The following SLIT3 variants were observed in gnomAD, a reference collection of about 807,000 sequenced individuals.
SLIT3 encodes slit homolog 3 protein.
A neutral mutation model predicts 184.0 loss-of-function variants in SLIT3; 68 were observed. That is an observed-to-expected ratio of 0.37 (90% CI 0.30 to 0.45). The LOEUF (loss-of-function observed/expected upper bound fraction) is 0.45, where lower values mean the gene tolerates loss of function less well. SLIT3 is among the 20% of genes least tolerant of loss of function. The pLI is 1.00. For missense variants in SLIT3, 1,707 were observed against 2,026.0 expected (o/e 0.84, Z 3.02); for synonymous variants, 831 against 828.6 (o/e 1.00, Z -0.05).
At chr5:168,696,796 G>A (rs373757349) in intron 27 of SLIT3, among the ~76,000 whole-genome samples, 82 of 152,232 alleles carry the variant, frequency 5.4e-4, no homozygotes, top group Middle Eastern at 3.4e-3. Context: ...CCCTCCCTTT[G>A]GCTCTTCTGA....
chr5:169,274,213 G>A (rs578137058), intron 1 of SLIT3, among the ~76,000 whole-genome samples: 1 of 152,278 alleles, frequency 6.6e-6, no homozygotes, highest in East Asian at 1.9e-4. Context: ...GCCTGCTCAA[G>A]TTGGGAACCA....
chr5:168,769,553 A>C (rs546890442), intron 14 of SLIT3, among the ~76,000 whole-genome samples: 3 of 152,126 alleles, frequency 2.0e-5, no homozygotes, highest in Admixed American at 2.0e-4. Context: ...AAGGTCTCTC[A>C]TCACACGCAC....
chr5:169,142,260 G>A (rs1022713726), intron 4 of SLIT3, among the ~76,000 whole-genome samples: 4 of 151,938 alleles, frequency 2.6e-5, no homozygotes, highest in Non-Finnish European at 4.4e-5. Context: ...AACAGAATCC[G>A]TTAAGGATTA....
At chr5:168,772,573 T>TGG in intron 14 of SLIT3, 1 of 543,234 alleles carries the variant, frequency 1.8e-6, no homozygotes, top group Non-Finnish European at 3.2e-6. Context: ...GCTTTTATTG[T>TGG]GTGTGTGTGT....
chr5:168,827,508 ACACT>A (rs1757744262), intron 6 of SLIT3, among the ~76,000 whole-genome samples: 1 of 152,142 alleles, frequency 6.6e-6, no homozygotes, highest in South Asian at 2.1e-4. Context: ...ACATCTCCTG[ACACT>A]CACTGTGATC....
intron 6 of SLIT3, among the ~76,000 whole-genome samples, chr5:168,831,913 G>GA (rs1157254905): frequency 3.3e-5 from 5 of 152,086 alleles, no homozygotes; most frequent in Non-Finnish European, 4.4e-5. Context: ...CAATACCTCC[G>GA]AAAAATGTTA....
chr5:169,214,234 C>T (rs1218768350), intron 3 of SLIT3, among the ~76,000 whole-genome samples: 1 of 152,240 alleles, frequency 6.6e-6, no homozygotes, highest in African/African-American at 2.4e-5. Context: ...AAGTTGACAA[C>T]ACCCGCTTCA....
intron 5 of SLIT3, 196 bp from the exon 6 acceptor site, chr5:168,844,851 G>C (rs762457663): frequency 1.6e-5 from 9 of 553,584 alleles, no homozygotes; most frequent in Admixed American, 3.1e-5. Context: ...CTACACAGAC[G>C]AGCGCACCAA....
At chr5:168,926,693 G>A (rs1048580505) in intron 4 of SLIT3, among the ~76,000 whole-genome samples, 4 of 80,724 alleles carry the variant, frequency 5.0e-5, no homozygotes, top group Non-Finnish European at 7.4e-5. Context: ...ATGGGTAAAG[G>A]ACTTGGATAG....
intron 4 of SLIT3, among the ~76,000 whole-genome samples, chr5:168,894,839 G>C (rs1161048657): frequency 6.6e-6 from 1 of 152,212 alleles, no homozygotes; most frequent in African/African-American, 2.4e-5. Flanking sequence ...CACTCATAGA[G>C]ATTAGGATAA....
At chr5:169,043,439 T>C (rs1757517276) in intron 4 of SLIT3, among the ~76,000 whole-genome samples, 1 of 152,218 alleles carries the variant, frequency 6.6e-6, no homozygotes, top group Admixed American at 6.5e-5. Flanking sequence ...CCTTCAATGA[T>C]AAGAATAATT....
intron 1 of SLIT3, among the ~76,000 whole-genome samples, chr5:169,257,779 T>C (rs572594456): frequency 1.4e-4 from 22 of 152,162 alleles, no homozygotes; most frequent in African/African-American, 5.1e-4. Flanking sequence ...GTTCTCAAAC[T>C]CCTGACCTCA....
At chr5:168,785,828 C>T (rs1363818372) in intron 12 of SLIT3, 79 bp downstream of exon 12, 2 of 1,047,222 alleles carry the variant, frequency 1.9e-6, no homozygotes, top group African/African-American at 1.6e-5. Context: ...AAGAACTCTC[C>T]AGAGCATGGC....
intron 30 of SLIT3, among the ~76,000 whole-genome samples, 153 bp from the exon 31 acceptor site, chr5:168,686,080 G>A (rs532090821): frequency 5.3e-5 from 8 of 152,298 alleles, no homozygotes; most frequent in African/African-American, 1.2e-4. Flanking sequence ...GCCACTAACC[G>A]GGGCAAGACC....
At chr5:169,114,672 C>T (rs1760583041) in intron 4 of SLIT3, among the ~76,000 whole-genome samples, 1 of 152,180 alleles carries the variant, frequency 6.6e-6, no homozygotes, top group Non-Finnish European at 1.5e-5. Flanking sequence ...GGGAGGGAAA[C>T]AGACCTGTGC....
intron 3 of SLIT3, among the ~76,000 whole-genome samples, chr5:169,214,963 C>T (rs1332873317): frequency 2.6e-5 from 4 of 152,170 alleles, no homozygotes; most frequent in South Asian, 2.1e-4. Flanking sequence ...ATCTTCCCTC[C>T]GCATTACTGA....
intron 5 of SLIT3, among the ~76,000 whole-genome samples, chr5:168,880,456 C>A (rs529297801): frequency 6.6e-6 from 1 of 152,366 alleles, no homozygotes; most frequent in South Asian, 2.1e-4. Context: ...TTTGCCTTTA[C>A]ACTTTGCACG....
intron 20 of SLIT3, among the ~76,000 whole-genome samples, chr5:168,725,043 A>C (rs552568993): frequency 5.9e-5 from 9 of 152,310 alleles, no homozygotes; most frequent in Admixed American, 4.6e-4. Flanking sequence ...AATGTTGACT[A>C]TCTCTGATGT....
chr5:168,781,997 G>A (rs553696580), intron 12 of SLIT3, among the ~76,000 whole-genome samples: 4 of 152,132 alleles, frequency 2.6e-5, no homozygotes, highest in Non-Finnish European at 5.9e-5. Flanking sequence ...GCAGTTTCGG[G>A]TCCTGAAGAA....
Sources: gnomAD v4.1 joint callset for allele counts (sites outside exome capture counted in the v4.1 genomes callset) on GRCh38, gnomAD v4.1.1 for gene constraint, MANE v1.5 for transcripts, NCBI Gene and HGNC (gene_info 2026-07-23, HGNC 2026-07-21) for gene names.